The following RAB2A variants were observed in gnomAD, a reference collection of about 807,000 sequenced individuals.
RAB2A encodes RAB2A, member RAS oncogene family.
RAB2A carries 7 observed loss-of-function variants against 32.5 expected under a neutral mutation model. The observed-to-expected ratio is 0.22, with a 90% CI of 0.12 to 0.40. RAB2A has a LOEUF of 0.40. Among genes scored for constraint, RAB2A ranks in the 10% least tolerant of loss-of-function variants. RAB2A has a pLI of 1.00. For synonymous variants in RAB2A, 79 were observed against 85.2 expected (o/e 0.93, Z 0.40); for missense variants, 108 against 260.7 (o/e 0.41, Z 4.03).
At position 60,584,216 on chromosome 8, in the gene RAB2A, A is replaced by G. The variant is rs1285281968; in HGVS notation, c.195A>G (p.Gln65=). The change falls in exon 4 of 8, where the codon CAA becomes CAG. Residue 65 remains glutamine (Q), a synonymous_variant. Coordinates refer to ENST00000262646, the MANE Select transcript of RAB2A (RefSeq NM_002865.3). ...CTTTTTTTTCGTTACAGGCAGGGCA[A>G]GAATCCTTTCGTTCCATCACAAGGT... ...IKLQIWDTAG[Q]ESFRSITRSY... 4 of 1,604,880 alleles carry G rather than the reference A, an allele frequency of 2.5e-6. No individual in the cohort carries two copies. Among genetic ancestry groups the G allele is most frequent in the Admixed American group, 1.7e-5 (1 of 59,994 alleles).
intron 6 of RAB2A, among the ~76,000 whole-genome samples, chr8:60,611,129 C>T (rs1374103681): frequency 2.0e-5 from 3 of 152,220 alleles, no homozygotes; most frequent in African/African-American, 7.2e-5. Flanking sequence ...ATTCTCGTTG[C>T]CACCATCTGA....
intron 3 of RAB2A, among the ~76,000 whole-genome samples, chr8:60,577,613 G>C (rs1803659800): frequency 6.6e-6 from 1 of 150,792 alleles, no homozygotes; most frequent in Non-Finnish European, 1.5e-5. Context: ...GCAGTTCCTT[G>C]ATAGAGGTCT....
intron 2 of RAB2A, among the ~76,000 whole-genome samples, chr8:60,566,721 T>C (rs1478313988): frequency 6.6e-6 from 1 of 152,206 alleles, no homozygotes; most frequent in Non-Finnish European, 1.5e-5. Context: ...ATAGTGAACG[T>C]GGTTCTCAAT....
intron 2 of RAB2A, 120 bp downstream of exon 2, chr8:60,559,043 C>G: frequency 2.8e-6 from 2 of 704,356 alleles, no homozygotes; most frequent in Non-Finnish European, 4.9e-6. Flanking sequence ...TTTGTTGTTA[C>G]GCTGTTTAAT....
chr8:60,579,147 AT>A (rs1377067563), intron 3 of RAB2A, among the ~76,000 whole-genome samples: 2 of 152,120 alleles, frequency 1.3e-5, no homozygotes, highest in African/African-American at 4.8e-5. Flanking sequence ...GGTTCAAGTG[AT>A]TCTCCTGCCT....
chr8:60,521,388 A>T (rs1366285580), intron 1 of RAB2A, among the ~76,000 whole-genome samples: 1 of 152,200 alleles, frequency 6.6e-6, no homozygotes, highest in Non-Finnish European at 1.5e-5. Context: ...CATAAAATGG[A>T]GTCCCTATTA....
At position 60,602,078 on chromosome 8, in the gene RAB2A, A is replaced by G. The variant is rs900383207; in HGVS notation, c.474+10109A>G. On this transcript the variant is annotated intron_variant, in intron 6 of 7. Transcript: ENST00000262646. ...TTTTTTGTAGAGGCAAAGTCTTGCC[A>G]TGTTGCCCAGGCTGGTCTCAGACTC... 3.3e-5 allele frequency among the ~76,000 whole-genome samples: 5 copies of G among 150,966 alleles called. No individual in the cohort carries two copies. In the East Asian group the frequency reaches 7.8e-4, roughly 23 times the overall value.
chr8:60,606,167 C>A (rs568794048), intron 6 of RAB2A, among the ~76,000 whole-genome samples: 1 of 150,354 alleles, frequency 6.7e-6, no homozygotes, highest in South Asian at 2.1e-4. Context: ...AACAAACAAA[C>A]AAAAATGCTT....
At chr8:60,594,382 A>C (rs1264212187) in intron 6 of RAB2A, among the ~76,000 whole-genome samples, 1 of 152,208 alleles carries the variant, frequency 6.6e-6, no homozygotes, top group East Asian at 1.9e-4. Flanking sequence ...AAGCAGCAAA[A>C]AATAGCACCC....
intron 6 of RAB2A, among the ~76,000 whole-genome samples, chr8:60,605,831 A>AT: frequency 7.4e-6 from 1 of 135,128 alleles, no homozygotes; most frequent in Admixed American, 7.0e-5. Flanking sequence ...AGGGACTAAT[A>AT]CATATATACA....
intron 1 of RAB2A, among the ~76,000 whole-genome samples, chr8:60,549,919 CAA>C (rs932401908): frequency 1.1e-4 from 16 of 150,876 alleles, no homozygotes; most frequent in African/African-American, 3.4e-4. Context: ...AGCCTTTACT[CAA>C]AAGCCATTTT....
chr8:60,574,209 T>C (rs865853085), intron 3 of RAB2A, among the ~76,000 whole-genome samples: 3 of 152,204 alleles, frequency 2.0e-5, no homozygotes, highest in Non-Finnish European at 4.4e-5. Flanking sequence ...CGGAATAACT[T>C]ATTCTTCCTG....
intron 1 of RAB2A, among the ~76,000 whole-genome samples, chr8:60,553,260 C>A (rs548328959): frequency 1.3e-5 from 2 of 152,182 alleles, no homozygotes; most frequent in African/African-American, 4.8e-5. Flanking sequence ...ATCCTCAGGA[C>A]AGGCTGTAAC....
intron 2 of RAB2A, among the ~76,000 whole-genome samples, chr8:60,568,505 T>TA (rs927542298): frequency 1.3e-4 from 19 of 151,440 alleles, no homozygotes; most frequent in East Asian, 1.9e-4. Context: ...CTTTTAATCT[T>TA]AAAAAAAAAT....
intron 7 of RAB2A, among the ~76,000 whole-genome samples, chr8:60,619,866 A>G (rs1468041933): frequency 6.6e-6 from 1 of 152,250 alleles, no homozygotes; most frequent in Non-Finnish European, 1.5e-5. Flanking sequence ...AGAAGTTGCT[A>G]CCAGCCCAGA....
intron 1 of RAB2A, among the ~76,000 whole-genome samples, chr8:60,535,926 A>T (rs1037497466): frequency 4.6e-5 from 7 of 152,166 alleles, no homozygotes; most frequent in Non-Finnish European, 1.0e-4. Context: ...TCCCTGCCCT[A>T]GCTGCTAGGG....
In RAB2A at chr8:60,584,213, G is replaced by A. The variant is rs762402547; in HGVS notation, c.192G>A (p.Gly64=). The A allele has an allele frequency of 1.9e-6, 3 of 1,602,930 alleles. No individual in the cohort carries two copies. The highest frequency in any genetic ancestry group is 1.7e-6 in the Non-Finnish European group (2 of 1,170,002). The change falls in exon 4 of 8, where the codon GGG becomes GGA. Residue 64 remains glycine (G), a synonymous_variant. Coordinates refer to ENST00000262646, the MANE Select transcript of RAB2A (RefSeq NM_002865.3). ...QIKLQIWDTA[G]QESFRSITRS... ...AACCTTTTTTTTCGTTACAGGCAGG[G>A]CAAGAATCCTTTCGTTCCATCACAA...
chr8:60,531,948 G>A (rs866969646), intron 1 of RAB2A, among the ~76,000 whole-genome samples: 4 of 151,844 alleles, frequency 2.6e-5, no homozygotes, highest in Non-Finnish European at 4.4e-5. Context: ...GATTACAGGC[G>A]CGCACTGCCA....
chr8:60,601,194 ATT>A (rs1221402190), intron 6 of RAB2A, among the ~76,000 whole-genome samples: 2 of 66,894 alleles, frequency 3.0e-5, no homozygotes, highest in African/African-American at 2.7e-4. Context: ...AAGAATACAG[ATT>A]TTCAAATTAC....
Sources: gnomAD v4.1 joint callset for allele counts (sites outside exome capture counted in the v4.1 genomes callset) on GRCh38, gnomAD v4.1.1 for gene constraint, MANE v1.5 for transcripts, NCBI Gene and HGNC (gene_info 2026-07-23, HGNC 2026-07-21) for gene names.